The following AKAIN1 variants were observed in gnomAD, a reference collection of about 807,000 sequenced individuals.
AKAIN1 encodes A-kinase anchor inhibitor 1.
Under a neutral mutation model 3.7 loss-of-function variants are expected in AKAIN1, and 3 were observed. The observed-to-expected ratio is 0.82, with a 90% CI of 0.37 to 2.12. The LOEUF (loss-of-function observed/expected upper bound fraction) is 2.12. Among genes scored for constraint, AKAIN1 ranks in the 30% most tolerant of loss-of-function variants. The probability of loss-of-function intolerance (pLI) is 0.06; values close to 1 mark genes in which losing one functional copy is unlikely to be tolerated. For synonymous variants in AKAIN1, 31 were observed against 30.8 expected, an observed-to-expected ratio of 1.01 and a Z score of -0.02; for missense variants, 82 against 82.7, an observed-to-expected ratio of 0.99 and a Z score of 0.03.
chr18:5,197,506 A>AAAAAAAAAAC, upstream of AKAIN1: 1 of 1,219,818 alleles, frequency 8.2e-7, no homozygotes, highest in Non-Finnish European at 1.0e-6. This position sits in a 1 kb window ranked among gnomAD's most constrained non-coding sequence, Gnocchi z 6.9. Flanking sequence ...AGATTTGTCA[A>AAAAAAAAAAC]AAAAAAAAAA....
intron 1 of AKAIN1, among the ~76,000 whole-genome samples, chr18:5,146,398 G>A (rs573221825): frequency 1.2e-4 from 19 of 152,196 alleles, no homozygotes; most frequent in South Asian, 8.3e-4. Context: ...CCTGGGCCAC[G>A]TACTTCTGGG....
chr18:5,197,107 A>T lies in AKAIN1; in HGVS notation c.-54T>A. 1 of 1,550,254 alleles carries T rather than the reference A, an allele frequency of 6.5e-7. No individual in the cohort carries two copies. Among genetic ancestry groups the T allele is most frequent in the Non-Finnish European group, 8.7e-7 (1 of 1,146,776 alleles). ...TTAAGAGAGAAAGACAGGCAGACGG[A>T]GGATGGGAAGAAGGCCGGACTTGGC... On this transcript the variant is annotated 5_prime_UTR_variant, in exon 1 of 2. Coordinates refer to ENST00000434239, the MANE Select transcript of AKAIN1 (RefSeq NM_001145194.2). The surrounding 1 kb of genome is among the most constrained non-coding windows in gnomAD (Gnocchi z 6.9).
At position 5,196,954 on chromosome 18, in the gene AKAIN1, A is replaced by G. The variant is rs142900915; in HGVS notation, c.16+84T>C. 1,810 of 1,199,494 alleles carry G rather than the reference A, an allele frequency of 1.5e-3. 15 individuals are homozygous for G. In the African/African-American group the frequency reaches 0.025, roughly 16 times the overall value. The allele number at this position is 1,199,494 out of a possible 1,614,324, so 74.3% of individuals were successfully genotyped here. A position where few individuals can be genotyped will look rare whatever the true frequency, so the allele number is the denominator to read the frequency against. On this transcript the variant is annotated intron_variant, in intron 1 of 1. Coordinates refer to ENST00000434239, the MANE Select transcript of AKAIN1 (RefSeq NM_001145194.2). ...GAAACGCGCAGATGGGCCGTAAGGT[A>G]AAGAGGCCTTTTTTCCCTCTCCTCT...
chr18:5,193,177 C>T (rs531837234), intron 1 of AKAIN1, among the ~76,000 whole-genome samples: 4 of 152,028 alleles, frequency 2.6e-5, no homozygotes, highest in East Asian at 1.9e-4. Flanking sequence ...AATATTGGTG[C>T]GAAATATTTT....
intron 1 of AKAIN1, among the ~76,000 whole-genome samples, chr18:5,161,107 G>A (rs2071136785): frequency 6.6e-6 from 1 of 151,824 alleles, no homozygotes; most frequent in Non-Finnish European, 1.5e-5. Flanking sequence ...ATTTTGGCTG[G>A]GACTCCATAG....
Position 5,197,224 on chromosome 18 carries a change from C to G in AKAIN1, c.-171G>C. 1 of 1,388,346 alleles carries G rather than the reference C, an allele frequency of 7.2e-7. No homozygotes were observed. Among genetic ancestry groups the G allele is most frequent in the Non-Finnish European group, 9.2e-7 (1 of 1,082,364 alleles). The allele number at this position is 1,388,346 out of a possible 1,614,324, so 86.0% of individuals were successfully genotyped here. A position where few individuals can be genotyped will look rare whatever the true frequency, so the allele number is the denominator to read the frequency against. On this transcript the variant is annotated 5_prime_UTR_variant, in exon 1 of 2. Transcript: ENST00000434239. This position sits in a 1 kb window ranked among gnomAD's most constrained non-coding sequence, Gnocchi z 6.9. ...CCGCCGCTAGATCCTGGGGCCGCAG[C>G]TCCAGCCGCCGCCGCGCGCTCTGCC...
chr18:5,182,156 C>T (rs2071262003), intron 1 of AKAIN1, among the ~76,000 whole-genome samples: 1 of 152,098 alleles, frequency 6.6e-6, no homozygotes, highest in African/African-American at 2.4e-5. Context: ...TCTGCTTTAT[C>T]ATCAGCCTAG....
At chr18:5,177,945 G>A (rs2071235345) in intron 1 of AKAIN1, among the ~76,000 whole-genome samples, 1 of 152,118 alleles carries the variant, frequency 6.6e-6, no homozygotes, top group Non-Finnish European at 1.5e-5. Context: ...GAATTCCTGA[G>A]CATAAATGTT....
At chr18:5,168,823 A>G (rs2071181205) in intron 1 of AKAIN1, among the ~76,000 whole-genome samples, 1 of 151,662 alleles carries the variant, frequency 6.6e-6, no homozygotes, top group Non-Finnish European at 1.5e-5. Context: ...GATGACATGC[A>G]TAATAAACAG....
intron 1 of AKAIN1, among the ~76,000 whole-genome samples, chr18:5,189,619 C>T (rs1030736275): frequency 2.1e-4 from 32 of 152,248 alleles, no homozygotes; most frequent in African/African-American, 7.0e-4. Flanking sequence ...ACAAGGATGG[C>T]CTTTACTCCA....
At chr18:5,196,774 AG>A (rs1488284884) in intron 1 of AKAIN1, among the ~76,000 whole-genome samples, 1 of 152,142 alleles carries the variant, frequency 6.6e-6, no homozygotes, top group East Asian at 1.9e-4. Flanking sequence ...TGAGCTCGGA[AG>A]GGGTGTGGAG....
In AKAIN1 at chr18:5,145,136, C is replaced by T. The variant is rs1271327044; in HGVS notation, c.*426G>A. The T allele has an allele frequency of 6.5e-6, 1 of 153,524 alleles. No homozygotes were observed. Among genetic ancestry groups the T allele is most frequent in the Non-Finnish European group, 1.4e-5 (1 of 68,966 alleles). 9.5% of individuals were successfully genotyped at this position (153,524 alleles called of 1,614,324 possible). On this transcript the variant is annotated 3_prime_UTR_variant, in exon 2 of 2. Transcript: ENST00000434239. ...AGGTAACTAAAACTGCATTCCCTCACCTTTCTAGCATGTCTTTTTAATATA... is the reference window on the plus strand; with the variant it reads ...AGGTAACTAAAACTGCATTCCCTCATCTTTCTAGCATGTCTTTTTAATATA...
chr18:5,143,310 C>T lies in AKAIN1; in HGVS notation c.*2252G>A, dbSNP rs1169578112. Among the ~76,000 whole-genome samples the T allele has an allele frequency of 6.6e-6, 1 of 152,280 alleles. No individual in the cohort carries two copies. Among genetic ancestry groups the T allele is most frequent in the East Asian group, 1.9e-4 (1 of 5,190 alleles). ...AGAATTTTGCCAATATGGCACCTACCTATTGAGGACAGGCATTGCTGAACC... is the reference window on the plus strand; with the variant it reads ...AGAATTTTGCCAATATGGCACCTACTTATTGAGGACAGGCATTGCTGAACC... On this transcript the variant is annotated 3_prime_UTR_variant, in exon 2 of 2. Coordinates refer to ENST00000434239, the MANE Select transcript of AKAIN1 (RefSeq NM_001145194.2).
At chr18:5,170,829 C>T (rs1371325881) in intron 1 of AKAIN1, 1 of 152,108 alleles carries the variant, frequency 6.6e-6, no homozygotes, top group Admixed American at 6.6e-5. Context: ...GGGAGGCTTA[C>T]CTTAGAAGCC....
chr18:5,173,997 C>A (rs2071211859), intron 1 of AKAIN1, among the ~76,000 whole-genome samples: 1 of 152,136 alleles, frequency 6.6e-6, no homozygotes, highest in South Asian at 2.1e-4. Context: ...ATGCTCTGAG[C>A]CCTTGCCCCA....
In AKAIN1 at chr18:5,143,416, C is replaced by T. The variant is rs907427639; in HGVS notation, c.*2146G>A. Among the ~76,000 whole-genome samples, 1 of 152,208 alleles carries T rather than the reference C, an allele frequency of 6.6e-6. No individual in the cohort carries two copies. The highest frequency in any genetic ancestry group is 1.5e-5 in the Non-Finnish European group (1 of 68,034). On this transcript the variant is annotated 3_prime_UTR_variant, in exon 2 of 2. Transcript: ENST00000434239. ...CATCTCAAAAATTATGGCAGACACT[C>T]TACCTTCCAGACCCACTTACCTTGA... is the stretch of plus-strand genomic sequence containing the variant.
chr18:5,185,873 G>A (rs548872175), intron 1 of AKAIN1, among the ~76,000 whole-genome samples: 4 of 152,256 alleles, frequency 2.6e-5, no homozygotes, highest in African/African-American at 9.6e-5. Flanking sequence ...AAACACACAT[G>A]CAGGTGTATG....
At chr18:5,154,783 T>G (rs1279582574) in intron 1 of AKAIN1, among the ~76,000 whole-genome samples, 1 of 152,024 alleles carries the variant, frequency 6.6e-6, no homozygotes, top group Admixed American at 6.5e-5. Context: ...ATGCTGCCCC[T>G]CCCTTTTACG....
At chr18:5,162,329 G>C (rs1439980276) in intron 1 of AKAIN1, among the ~76,000 whole-genome samples, 1 of 152,082 alleles carries the variant, frequency 6.6e-6, no homozygotes, top group African/African-American at 2.4e-5. Flanking sequence ...CCATGTCCTG[G>C]AGGGTTGGAT....
Sources: gnomAD v4.1 joint callset for allele counts (sites outside exome capture counted in the v4.1 genomes callset) on GRCh38, gnomAD v4.1.1 for gene constraint, Gnocchi (gnomAD v3.1) non-coding constraint, MANE v1.5 for transcripts, NCBI Gene and HGNC (gene_info 2026-07-23, HGNC 2026-07-21) for gene names.